Variants in TTC28 observed in about 807,000 individuals in gnomAD.
TTC28 encodes tetratricopeptide repeat domain 28.
In TTC28, 61 loss-of-function variants were observed where a neutral mutation model predicts 198.0. The observed-to-expected ratio is 0.31, with a 90% CI of 0.25 to 0.38. The LOEUF (loss-of-function observed/expected upper bound fraction) is 0.38. Among genes scored for constraint, TTC28 ranks in the 10% least tolerant of loss-of-function variants. TTC28 has a pLI of 1.00. For synonymous variants in TTC28, 1,171 were observed against 1,297.8 expected (o/e 0.90, Z 2.10); for missense variants, 2,678 against 3,164.0 (o/e 0.85, Z 3.69).
At chr22:28,190,218 T>C (rs1330396010) in intron 5 of TTC28, among the ~76,000 whole-genome samples, 1 of 152,166 alleles carries the variant, frequency 6.6e-6, no homozygotes, top group African/African-American at 2.4e-5. Flanking sequence ...GCTGAGGGGG[T>C]ACTTTGTGTT....
chr22:28,081,651 C>T (rs773184584), intron 12 of TTC28, among the ~76,000 whole-genome samples: 10 of 152,092 alleles, frequency 6.6e-5, no homozygotes, highest in Non-Finnish European at 1.3e-4. Flanking sequence ...CGCCACCTTG[C>T]CCAGCTAATT....
intron 2 of TTC28, among the ~76,000 whole-genome samples, chr22:28,435,705 C>A (rs938941345): frequency 4.6e-5 from 7 of 152,200 alleles, no homozygotes; most frequent in African/African-American, 1.7e-4. Flanking sequence ...AAGGTGCCAA[C>A]TCAGATTTCT....
At chr22:28,222,403 T>G (rs1028714333) in intron 5 of TTC28, among the ~76,000 whole-genome samples, 1 of 152,228 alleles carries the variant, frequency 6.6e-6, no homozygotes, top group Admixed American at 6.5e-5. Context: ...TAAGTCCCTA[T>G]CCTTTTGCTG....
At chr22:28,134,788 A>C (rs1943158688) in intron 6 of TTC28, among the ~76,000 whole-genome samples, 1 of 151,940 alleles carries the variant, frequency 6.6e-6, no homozygotes, top group Admixed American at 6.5e-5. Context: ...GATATTATCC[A>C]GGAGAACTGG....
chr22:28,514,177 T>G (rs1173500654), intron 2 of TTC28, among the ~76,000 whole-genome samples: 1 of 152,240 alleles, frequency 6.6e-6, no homozygotes, highest in Non-Finnish European at 1.5e-5. Context: ...ATCAATTGCC[T>G]TATTTATTTG....
At chr22:28,608,845 G>A (rs1357637971) in intron 2 of TTC28, among the ~76,000 whole-genome samples, 1 of 152,192 alleles carries the variant, frequency 6.6e-6, no homozygotes, top group East Asian at 1.9e-4. Context: ...AGATACACAT[G>A]ACAAAGAATA....
At chr22:28,516,673 T>C (rs1185357012) in intron 2 of TTC28, among the ~76,000 whole-genome samples, 1 of 152,102 alleles carries the variant, frequency 6.6e-6, no homozygotes, top group African/African-American at 2.4e-5. Flanking sequence ...GATTAGTCGA[T>C]GGGTGCAGCA....
At chr22:28,127,223 T>C (rs1942938562) in intron 6 of TTC28, among the ~76,000 whole-genome samples, 1 of 152,236 alleles carries the variant, frequency 6.6e-6, no homozygotes, top group South Asian at 2.1e-4. Flanking sequence ...GTAGCTTTTC[T>C]GTACACTAGG....
At chr22:28,333,466 C>G (rs1467929588) in intron 2 of TTC28, among the ~76,000 whole-genome samples, 1 of 152,116 alleles carries the variant, frequency 6.6e-6, no homozygotes, top group Non-Finnish European at 1.5e-5. Flanking sequence ...CACATTGCAA[C>G]AGCAGAGAAA....
intron 5 of TTC28, among the ~76,000 whole-genome samples, chr22:28,213,812 G>A (rs557253314): frequency 5.8e-4 from 88 of 152,058 alleles, no homozygotes; most frequent in African/African-American, 1.3e-3. Flanking sequence ...AAAAGAGCCC[G>A]CATTGCCAAG....
intron 2 of TTC28, among the ~76,000 whole-genome samples, chr22:28,563,145 GAT>G (rs2049915860): frequency 6.6e-6 from 1 of 151,706 alleles, no homozygotes; most frequent in Non-Finnish European, 1.5e-5. Context: ...AGAAGAATAA[GAT>G]AGAAAAAATA....
intron 12 of TTC28, among the ~76,000 whole-genome samples, chr22:28,084,410 T>C (rs2146820467): frequency 6.6e-6 from 1 of 152,124 alleles, no homozygotes; most frequent in African/African-American, 2.4e-5. Context: ...GGGTCTGGAG[T>C]GGACCTCCAG....
intron 1 of TTC28, among the ~76,000 whole-genome samples, chr22:28,638,059 A>G (rs1262221725): frequency 6.6e-6 from 1 of 152,210 alleles, no homozygotes; most frequent in Non-Finnish European, 1.5e-5. Context: ...TATGAAGCAA[A>G]TATTAACAAA....
At chr22:28,376,487 G>A (rs2146008711) in intron 2 of TTC28, among the ~76,000 whole-genome samples, 1 of 152,170 alleles carries the variant, frequency 6.6e-6, no homozygotes, top group South Asian at 2.1e-4. Context: ...GAGTAACAGG[G>A]CAAGATTAAC....
At position 28,679,835 on chromosome 22, in the gene TTC28, C is replaced by A; in HGVS notation, c.-112G>T. 3.0e-6 allele frequency: 1 copy of A among 336,334 alleles called. No homozygotes were observed. The highest frequency in any genetic ancestry group is 4.4e-6 in the Non-Finnish European group (1 of 225,106). 20.8% of individuals were successfully genotyped at this position (336,334 alleles called of 1,614,324 possible). On this transcript the variant is annotated 5_prime_UTR_variant, in exon 1 of 23. The change creates a new upstream start codon in the 5' untranslated region. Transcript: ENST00000397906. ...CGTGCTGCGCGCCGCCGCGGCGCCC[C>A]TCACTGCCCCCAAACCGCGCGCGCG...
At position 28,005,431 on chromosome 22, in the gene TTC28, T is replaced by A. The variant is rs1024026540; in HGVS notation, c.4219-3878A>T. On this transcript the variant is annotated intron_variant, in intron 14 of 22. Transcript: ENST00000397906. This position sits in a 1 kb window ranked among gnomAD's most constrained non-coding sequence, Gnocchi z 4.9. ...CTTTGTGCAGCTGTTGTCAGTTTAC[T>A]GCCTCTCAGGTCCTGAAGCCCTTGT... 6.6e-6 allele frequency among the ~76,000 whole-genome samples: 1 copy of A among 152,224 alleles called. No homozygotes were observed. Among genetic ancestry groups the A allele is most frequent in the African/African-American group, 2.4e-5 (1 of 41,464 alleles).
At chr22:28,526,215 A>G (rs1411782026) in intron 2 of TTC28, among the ~76,000 whole-genome samples, 3 of 152,246 alleles carry the variant, frequency 2.0e-5, no homozygotes, top group African/African-American at 7.2e-5. Context: ...TCTAGTCTTA[A>G]AGCTGAAATA....
chr22:28,337,420 G>T (rs2045747213), intron 2 of TTC28, among the ~76,000 whole-genome samples: 1 of 152,080 alleles, frequency 6.6e-6, no homozygotes, highest in Admixed American at 6.6e-5. Flanking sequence ...TCGTTGATCT[G>T]TCTAATGTTG....
intron 2 of TTC28, among the ~76,000 whole-genome samples, chr22:28,620,799 C>T (rs559785909): frequency 4.4e-4 from 67 of 152,204 alleles, no homozygotes; most frequent in Middle Eastern, 6.8e-3. Flanking sequence ...AGAAAGTTAG[C>T]CAAAGATGTC....
Sources: allele counts gnomAD v4.1 joint callset (sites outside exome capture counted in the v4.1 genomes callset), GRCh38; gene constraint gnomAD v4.1.1; non-coding constraint Gnocchi (gnomAD v3.1); transcripts MANE v1.5; gene names NCBI Gene and HGNC (gene_info 2026-07-23, HGNC 2026-07-21).